INCENP: variants seen among roughly 807,000 people sequenced by gnomAD.
INCENP encodes binds and activates aurora-B and -C in vivo and in vitro.
A neutral mutation model predicts 107.3 loss-of-function variants in INCENP; 43 were observed. The observed-to-expected ratio is 0.40, with a 90% CI of 0.31 to 0.52. INCENP has a LOEUF of 0.52. Among genes scored for constraint, INCENP ranks in the 20% least tolerant of loss-of-function variants. The pLI, the probability that INCENP is intolerant of heterozygous loss-of-function variation, is 0.53. For synonymous variants in INCENP, 488 were observed against 494.4 expected (o/e 0.99, Z 0.17); for missense variants, 1,089 against 1,250.9 (o/e 0.87, Z 1.95).
chr11:62,135,750 G>GA (rs2134636712), intron 4 of INCENP, among the ~76,000 whole-genome samples: 1 of 152,292 alleles, frequency 6.6e-6, no homozygotes, highest in East Asian at 1.9e-4. Context: ...AGGATGCTGT[G>GA]ACCCTGCTGG....
chr11:62,147,442 T>G (rs971536113), intron 15 of INCENP, among the ~76,000 whole-genome samples: 5 of 152,312 alleles, frequency 3.3e-5, no homozygotes, highest in African/African-American at 1.2e-4. Flanking sequence ...GTTCCATGTT[T>G]AGTTTTACAG....
chr11:62,147,030 G>A, intron 15 of INCENP, 128 bp downstream of exon 15: 1 of 1,425,080 alleles, frequency 7.0e-7, no homozygotes, highest in Non-Finnish European at 9.5e-7. Flanking sequence ...ACCAAACCCA[G>A]AGGCCCACCT....
intron 8 of INCENP, 52 bp from the exon 9 acceptor site, chr11:62,140,652 T>C: frequency 6.8e-7 from 1 of 1,464,256 alleles, no homozygotes; most frequent in Non-Finnish European, 9.3e-7. Flanking sequence ...TGATGGGGTG[T>C]GGCTGGGCTG....
Position 62,128,372 on chromosome 11 carries a change from A to G in INCENP, c.140+71A>G, listed in dbSNP as rs1048542264. ...GGGCTGCTTTGGTCTTGGGGACACA[A>G]CAGCCCCTCGTCCCCGCCTACCTGG... On this transcript the variant is annotated intron_variant, in intron 2 of 18. Transcript: ENST00000394818. The G allele has an allele frequency of 7.7e-6, 12 of 1,562,008 alleles. No homozygotes were observed. In the South Asian group the frequency reaches 1.2e-4, roughly 16 times the overall value.
rs748167850 is a variant in INCENP at position 62,140,920 on chromosome 11, G to A, written c.1469G>A (p.Arg490Gln). 3 of 1,614,172 alleles carry A rather than the reference G, an allele frequency of 1.9e-6. No homozygotes were observed. Among genetic ancestry groups the A allele is most frequent in the South Asian group, 1.1e-5 (1 of 91,088 alleles). Residue 490 changes from arginine (R) to glutamine (Q), a missense_variant, in exon 10 of 19, where the codon CGG becomes CAG. Physicochemically the swap from Arg to Gln is conservative, Grantham distance 43. Transcript: ENST00000394818. ...CCTGGTCCTCGTCTGCAGGTGGTAC[G>A]GCCCCTCCGGACCTTTCTGCACACA... ...SSPCPASKVV[R>Q]PLRTFLHTVQ... is the part of the protein sequence containing the mutation.
intron 2 of INCENP, 110 bp from the exon 3 acceptor site, chr11:62,128,660 C>A (rs887073513): frequency 1.4e-5 from 11 of 790,050 alleles, no homozygotes; most frequent in Admixed American, 1.9e-5. Context: ...GTGCTGGACA[C>A]CCCAGCTTGA....
chr11:62,135,265 T>TTTTTG (rs1350738672), intron 4 of INCENP, among the ~76,000 whole-genome samples: 4 of 152,112 alleles, frequency 2.6e-5, no homozygotes, highest in Non-Finnish European at 5.9e-5. Context: ...GTTTTGTTTT[T>TTTTTG]TTTTGTTTTG....
rs1461581823 is a variant in INCENP at position 62,145,061 on chromosome 11, A to T, written c.1685A>T (p.Asp562Val). The change falls in exon 12 of 19, where the codon GAC (aspartate) becomes GTC (valine). Residue 562 changes from aspartate to valine, a missense_variant. By Grantham distance (152) the Asp-to-Val change is radical (BLOSUM62 -3). Transcript: ENST00000394818. The stretch of plus-strand genomic sequence containing the variant: ...CTGCGCAGGCAGAAGGTGGAGGAGG[A>T]CAAGCGGCGGCGGCTGGAGGAGGTG... Reference protein sequence around the residue: ...EQLRRQKVEEDKRRRLEEVKL... With the variant: ...EQLRRQKVEEVKRRRLEEVKL... 2 of 1,613,456 alleles carry T rather than the reference A, an allele frequency of 1.2e-6. No homozygotes were observed. The highest frequency in any genetic ancestry group is 2.7e-5 in the African/African-American group (2 of 74,892).
Position 62,145,183 on chromosome 11 carries a change from G to A in INCENP, c.1730G>A (p.Arg577His), listed in dbSNP as rs769871831. ...LEEVKLKREE[R>H]LRKVLQARER... The stretch of plus-strand genomic sequence containing the variant: ...ATGCCCCGCAGGAAGCGTGAGGAAC[G>A]CCTCCGCAAGGTGCTGCAGGCCCGC... The change falls in exon 13 of 19, where the codon CGC (arginine) becomes CAC (histidine). Residue 577 changes from arginine to histidine, a missense_variant. Physicochemically the swap from Arg to His is conservative, Grantham distance 29. Transcript: ENST00000394818. The A allele has an allele frequency of 1.6e-5, 26 of 1,614,004 alleles. No homozygotes were observed. The highest frequency in any genetic ancestry group is 6.7e-5 in the African/African-American group (5 of 74,940).
At chr11:62,126,778 T>A (rs1943759955) in intron 1 of INCENP, among the ~76,000 whole-genome samples, 1 of 151,792 alleles carries the variant, frequency 6.6e-6, no homozygotes, top group Non-Finnish European at 1.5e-5. Flanking sequence ...CCTACACACA[T>A]CCTCCTGTAT....
At chr11:62,143,993 A>G (rs944754390) in intron 11 of INCENP, among the ~76,000 whole-genome samples, 6 of 152,230 alleles carry the variant, frequency 3.9e-5, no homozygotes, top group Non-Finnish European at 8.8e-5. Flanking sequence ...GCCAGCATCA[A>G]TCAGCTTTTC....
In INCENP at chr11:62,145,281, A is replaced by G. The variant is rs199785199; in HGVS notation, c.1828A>G (p.Thr610Ala). The G allele has an allele frequency of 1.1e-5, 18 of 1,613,952 alleles. No homozygotes were observed. The highest frequency in any genetic ancestry group is 8.3e-5 in the Admixed American group (5 of 60,022). The change falls in exon 13 of 19, where the codon ACT becomes GCT. Residue 610 changes from threonine (T) to alanine (A), a missense_variant. Transcript: ENST00000394818. ...EQKFAQIDEK[T>A]EKAKEERLAE... Reference sequence around the variant, plus strand: ...GAAGTTTGCTCAGATCGACGAGAAGACTGAGAAGGTGGGAGCCTGGGCTGT... The same window carrying G: ...GAAGTTTGCTCAGATCGACGAGAAGGCTGAGAAGGTGGGAGCCTGGGCTGT...
At chr11:62,144,705 T>C in intron 11 of INCENP, 1 of 720,482 alleles carries the variant, frequency 1.4e-6, no homozygotes. Context: ...ATTTGGAGCC[T>C]GACTTTTGTG....
intron 1 of INCENP, among the ~76,000 whole-genome samples, chr11:62,126,179 T>C (rs1198897306): frequency 6.8e-6 from 1 of 146,066 alleles, no homozygotes; most frequent in Non-Finnish European, 1.5e-5. Flanking sequence ...CCATTGTAGG[T>C]GGGAGGCTGA....
At chr11:62,126,299 G>A (rs946945650) in intron 1 of INCENP, among the ~76,000 whole-genome samples, 2 of 151,784 alleles carry the variant, frequency 1.3e-5, no homozygotes, top group Admixed American at 6.6e-5. Flanking sequence ...AGGTTCAAGC[G>A]ATTCTCCTGC....
At chr11:62,124,191 G>T (rs1943701730) in intron 1 of INCENP, 28 bp downstream of exon 1, 1 of 152,248 alleles carries the variant, frequency 6.6e-6, no homozygotes, top group African/African-American at 2.4e-5. Context: ...TGGGGATTGG[G>T]GGGTGGTTCG....
At chr11:62,127,898 C>T (rs950900417) in intron 1 of INCENP, among the ~76,000 whole-genome samples, 3 of 151,810 alleles carry the variant, frequency 2.0e-5, no homozygotes, top group Admixed American at 2.0e-4. Flanking sequence ...GACAGTCATG[C>T]TGGCGGGGGG....
Position 62,128,878 on chromosome 11 carries a change from G to T in INCENP, c.249G>T (p.Arg83Ser), listed in dbSNP as rs767448315. 35 of 1,601,072 alleles carry T rather than the reference G, an allele frequency of 2.2e-5. No individual in the cohort carries two copies. Among genetic ancestry groups the T allele is most frequent in the Non-Finnish European group, 2.9e-5 (34 of 1,168,226 alleles). The change falls in exon 3 of 19, where the codon AGG (arginine) becomes AGT (serine). Residue 83 changes from arginine (R) to serine (S), a missense_variant. Physicochemically the swap from Arg to Ser is moderately radical, Grantham distance 110. Transcript: ENST00000394818. ...YVQDENRDPI[R>S]RRLSRRKSRS... ...AGGATGAAAACAGAGATCCCATCAG[G>T]AGAAGGTAGGAGGGGTTGGGGGAGA...
intron 4 of INCENP, among the ~76,000 whole-genome samples, chr11:62,137,464 TTGA>T (rs1275742684): frequency 1.3e-5 from 2 of 152,160 alleles, no homozygotes; most frequent in African/African-American, 4.8e-5. Context: ...CTGTAGACAC[TTGA>T]TGAATATTTG....
Sources: allele counts gnomAD v4.1 joint callset (sites outside exome capture counted in the v4.1 genomes callset), GRCh38; gene constraint gnomAD v4.1.1; transcripts MANE v1.5; gene names NCBI Gene and HGNC (gene_info 2026-07-23, HGNC 2026-07-21).